The following COL21A1 variants were observed in gnomAD, a reference collection of about 807,000 sequenced individuals.
COL21A1 encodes the protein collagen alpha-1(XXI) chain.
In COL21A1, 149 loss-of-function variants were observed where a neutral mutation model predicts 137.9. The ratio of observed to expected loss-of-function variants is 1.08; its 90% CI spans 0.95 to 1.24. The LOEUF is 1.24. Ranked by LOEUF, COL21A1 falls within the 50% of genes most tolerant of loss-of-function variation. The pLI is 0.00. For missense variants in COL21A1, 1,167 were observed against 1,158.4 expected (o/e 1.01, Z -0.11); for synonymous variants, 456 against 391.5 (o/e 1.16, Z -1.95).
intron 1 of COL21A1, among the ~76,000 whole-genome samples, chr6:56,328,059 G>A (rs1044980373): frequency 6.6e-6 from 1 of 151,956 alleles, no homozygotes; most frequent in African/African-American, 2.4e-5. Flanking sequence ...TGGGAGTTGG[G>A]TCATTTTAAA....
At chr6:56,363,164 C>T (rs914702968) in intron 1 of COL21A1, among the ~76,000 whole-genome samples, 15 of 152,186 alleles carry the variant, frequency 9.9e-5, no homozygotes, top group Non-Finnish European at 2.2e-4. Flanking sequence ...AACTCATAAA[C>T]GAATGCATGA....
intron 1 of COL21A1, among the ~76,000 whole-genome samples, chr6:56,235,246 C>T (rs1473036032): frequency 4.0e-5 from 6 of 151,822 alleles, no homozygotes; most frequent in Non-Finnish European, 7.4e-5. Context: ...CATATATATG[C>T]CTCTGGTAAA....
chr6:56,161,659 T>C (rs1395965660), intron 9 of COL21A1, among the ~76,000 whole-genome samples: 4 of 152,218 alleles, frequency 2.6e-5, no homozygotes, highest in African/African-American at 4.8e-5. Flanking sequence ...TCATTCCCTA[T>C]GTTTATCATT....
chr6:56,141,678 A>ATT, intron 12 of COL21A1, 107 bp downstream of exon 12: 1 of 1,219,686 alleles, frequency 8.2e-7, no homozygotes, highest in Non-Finnish European at 1.2e-6. Flanking sequence ...GAGCCCACAA[A>ATT]TCTTAGAATT....
chr6:56,057,825 T>G lies in COL21A1; in HGVS notation c.2706A>C (p.Gly902=). ...CTCCTGGAGGACCTTCTTTGCTTAT[T>G]CCAGGAGGGCCCTCTGGACCTAAGA... ...PGPPGPEGPP[G]ISKEGPPGDP... Residue 902 remains glycine, a synonymous_variant, in exon 30 of 30, where the codon GGA becomes GGC. Coordinates refer to ENST00000244728, the MANE Select transcript of COL21A1 (RefSeq NM_030820.4). The G allele has an allele frequency of 6.4e-7, 1 of 1,571,620 alleles. No individual in the cohort carries two copies. Among genetic ancestry groups the G allele is most frequent in the Non-Finnish European group, 8.6e-7 (1 of 1,162,660 alleles).
intron 5 of COL21A1, 62 bp from the exon 6 acceptor site, chr6:56,168,359 G>A (rs1776761762): frequency 7.5e-7 from 1 of 1,331,560 alleles, no homozygotes; most frequent in South Asian, 1.8e-5. Flanking sequence ...TATTTTCTTT[G>A]TTCTTACTCC....
intron 17 of COL21A1, among the ~76,000 whole-genome samples, chr6:56,082,008 T>C (rs1033189279): frequency 1.3e-5 from 2 of 151,974 alleles, no homozygotes; most frequent in Admixed American, 6.6e-5. Context: ...CTGCAGTAAC[T>C]GGCATTTCTT....
chr6:56,268,169 A>T (rs1433632271), intron 1 of COL21A1, among the ~76,000 whole-genome samples: 1 of 152,202 alleles, frequency 6.6e-6, no homozygotes, highest in Non-Finnish European at 1.5e-5. Flanking sequence ...AGCACTAAGA[A>T]GGGTGAAATG....
At chr6:56,213,805 G>A (rs867909414) in intron 1 of COL21A1, among the ~76,000 whole-genome samples, 2 of 151,958 alleles carry the variant, frequency 1.3e-5, no homozygotes, top group Admixed American at 6.6e-5. Context: ...ACCTATTTGC[G>A]CCAGGCATGG....
chr6:56,232,806 T>C (rs559611366), intron 1 of COL21A1, among the ~76,000 whole-genome samples: 91 of 151,986 alleles, frequency 6.0e-4, no homozygotes, highest in African/African-American at 2.1e-3. Flanking sequence ...CACTACATAG[T>C]AGAAGTAATA....
chr6:56,385,522 T>C (rs917114724), intron 1 of COL21A1, among the ~76,000 whole-genome samples: 1 of 152,182 alleles, frequency 6.6e-6, no homozygotes, highest in African/African-American at 2.4e-5. Flanking sequence ...TCTTTTTTTT[T>C]AGTCTTCCTC....
At chr6:56,195,806 G>A (rs1490204223) in intron 1 of COL21A1, among the ~76,000 whole-genome samples, 3 of 151,944 alleles carry the variant, frequency 2.0e-5, no homozygotes, top group African/African-American at 7.3e-5. Context: ...ACTTTAAAAG[G>A]AGAATTAATG....
intron 1 of COL21A1, among the ~76,000 whole-genome samples, chr6:56,372,855 A>C (rs1013979959): frequency 4.6e-5 from 7 of 152,040 alleles, no homozygotes; most frequent in Non-Finnish European, 1.0e-4. Flanking sequence ...ACTCCTCTCT[A>C]TGTTTAGGGA....
chr6:56,100,563 A>G (rs1270852767), intron 17 of COL21A1, among the ~76,000 whole-genome samples: 1 of 152,124 alleles, frequency 6.6e-6, no homozygotes. Flanking sequence ...TCCATATGAG[A>G]TTCATATTTG....
chr6:56,080,935 G>T (rs952431043), intron 17 of COL21A1, among the ~76,000 whole-genome samples: 20 of 151,926 alleles, frequency 1.3e-4, no homozygotes, highest in African/African-American at 4.3e-4. Context: ...CTAAAAAATA[G>T]ATGCTGGAGT....
At chr6:56,241,504 G>T (rs1396527487) in intron 1 of COL21A1, among the ~76,000 whole-genome samples, 1 of 152,136 alleles carries the variant, frequency 6.6e-6, no homozygotes, top group Non-Finnish European at 1.5e-5. Flanking sequence ...GCCTAGTGTT[G>T]CTAGCTAACA....
intron 1 of COL21A1, among the ~76,000 whole-genome samples, chr6:56,201,462 A>C (rs1482565483): frequency 6.6e-6 from 1 of 152,254 alleles, no homozygotes; most frequent in African/African-American, 2.4e-5. Context: ...TCTTTAATCC[A>C]TCTTGAATTA....
chr6:56,316,315 CT>C (rs1764733211), intron 1 of COL21A1, among the ~76,000 whole-genome samples: 1 of 151,944 alleles, frequency 6.6e-6, no homozygotes, highest in Non-Finnish European at 1.5e-5. Flanking sequence ...CTTGCTTGAA[CT>C]TATTGCTAAC....
intron 1 of COL21A1, among the ~76,000 whole-genome samples, chr6:56,349,355 A>AG (rs2152346618): frequency 6.6e-6 from 1 of 152,206 alleles, no homozygotes; most frequent in Non-Finnish European, 1.5e-5. Flanking sequence ...TGAAAAAAAA[A>AG]AAAAATTTAA....
Sources: gnomAD v4.1 joint callset for allele counts (sites outside exome capture counted in the v4.1 genomes callset) on GRCh38, gnomAD v4.1.1 for gene constraint, MANE v1.5 for transcripts, NCBI Gene and HGNC (gene_info 2026-07-23, HGNC 2026-07-21) for gene names.